PTPRD: variants seen among roughly 807,000 people sequenced by gnomAD.
The protein encoded by PTPRD is protein tyrosine phosphatase receptor type D.
A neutral mutation model predicts 214.5 loss-of-function variants in PTPRD; 34 were observed. That is an observed-to-expected ratio of 0.16 (90% confidence interval 0.12 to 0.21). PTPRD has a LOEUF of 0.21. Ranked by LOEUF, PTPRD falls within the 10% of genes least tolerant of loss-of-function variation. The probability of loss-of-function intolerance (pLI) is 1.00; values close to 1 mark genes in which losing one functional copy is unlikely to be tolerated. For synonymous variants in PTPRD, 1,128 were observed against 845.7 expected (o/e 1.33, Z -5.79); for missense variants, 2,545 against 2,398.7 (o/e 1.06, Z -1.27).
intron 9 of PTPRD, among the ~76,000 whole-genome samples, chr9:9,387,386 T>G (rs10125720): frequency 0.27 from 41,466 of 151,974 alleles, 5,877 homozygotes; most frequent in Middle Eastern, 0.38. Flanking sequence ...TTAATTAAGT[T>G]ATTTCTTTTG....
At chr9:10,555,095 G>T (rs892729556) in intron 2 of PTPRD, among the ~76,000 whole-genome samples, 7 of 152,148 alleles carry the variant, frequency 4.6e-5, no homozygotes, top group South Asian at 2.1e-4. Flanking sequence ...TAGAGTCTTT[G>T]TAAAAGATCA....
intron 6 of PTPRD, among the ~76,000 whole-genome samples, chr9:9,762,883 T>C (rs2098672050): frequency 6.6e-6 from 1 of 152,328 alleles, no homozygotes; most frequent in East Asian, 1.9e-4. Context: ...CTTAAACAAA[T>C]GAAATTTCTT....
intron 2 of PTPRD, among the ~76,000 whole-genome samples, chr9:10,464,728 A>C (rs1389150352): frequency 1.3e-5 from 2 of 152,098 alleles, no homozygotes; most frequent in Non-Finnish European, 2.9e-5. Flanking sequence ...GTAGAAAAAA[A>C]AACTCATCGT....
At chr9:10,298,713 T>C (rs1203065898) in intron 3 of PTPRD, among the ~76,000 whole-genome samples, 1 of 151,976 alleles carries the variant, frequency 6.6e-6, no homozygotes, top group African/African-American at 2.4e-5. Flanking sequence ...CAGGTATGTA[T>C]ATATTTAGCA....
At chr9:8,322,410 AATG>A (rs1214304396) in intron 44 of PTPRD, among the ~76,000 whole-genome samples, 5 of 152,220 alleles carry the variant, frequency 3.3e-5, no homozygotes, top group Non-Finnish European at 5.9e-5. Context: ...TGAACACATG[AATG>A]ATAAGGAAGT....
intron 4 of PTPRD, among the ~76,000 whole-genome samples, chr9:9,997,833 T>C (rs1440468844): frequency 1.7e-5 from 2 of 114,304 alleles, no homozygotes; most frequent in Admixed American, 8.9e-5. Context: ...TGTCACCACA[T>C]ATGCCAGGCA....
At chr9:9,841,215 T>C (rs1267040054) in intron 5 of PTPRD, among the ~76,000 whole-genome samples, 2 of 152,138 alleles carry the variant, frequency 1.3e-5, no homozygotes, top group East Asian at 3.8e-4. Context: ...GGTAGTGGGG[T>C]TAACAGAAAT....
intron 5 of PTPRD, among the ~76,000 whole-genome samples, chr9:9,858,118 A>G (rs539354898): frequency 9.2e-5 from 14 of 152,294 alleles, no homozygotes; most frequent in Admixed American, 3.9e-4. Context: ...CAATTGTTTT[A>G]GTGAATAGAG....
At chr9:10,288,970 A>T (rs1237594880) in intron 3 of PTPRD, among the ~76,000 whole-genome samples, 1 of 152,048 alleles carries the variant, frequency 6.6e-6, no homozygotes, top group Non-Finnish European at 1.5e-5. Context: ...GGAGTATAAG[A>T]TGTAGAATAA....
chr9:10,211,956 T>A (rs945983743), intron 3 of PTPRD, among the ~76,000 whole-genome samples: 2 of 152,252 alleles, frequency 1.3e-5, no homozygotes, highest in African/African-American at 4.8e-5. Context: ...TATACAACAT[T>A]TTTTAAAACA....
At chr9:9,676,099 G>A (rs901701433) in intron 7 of PTPRD, among the ~76,000 whole-genome samples, 4 of 151,920 alleles carry the variant, frequency 2.6e-5, no homozygotes, top group Non-Finnish European at 4.4e-5. Flanking sequence ...AGAATTTTGT[G>A]TAATCCAGTT....
intron 43 of PTPRD, among the ~76,000 whole-genome samples, chr9:8,334,250 C>A (rs1038111373): frequency 6.6e-6 from 1 of 152,088 alleles, no homozygotes; most frequent in Non-Finnish European, 1.5e-5. Flanking sequence ...CACCACATTG[C>A]ACTTATTCTA....
chr9:8,450,986 C>T (rs1023410612), intron 33 of PTPRD, among the ~76,000 whole-genome samples: 1 of 151,932 alleles, frequency 6.6e-6, no homozygotes, highest in African/African-American at 2.4e-5. Context: ...TTTCTCTGTT[C>T]GATGTGACTG....
intron 4 of PTPRD, among the ~76,000 whole-genome samples, chr9:9,978,814 C>T (rs75801569): frequency 1.3e-5 from 2 of 151,972 alleles, no homozygotes; most frequent in African/African-American, 4.8e-5. Flanking sequence ...TACAGGTACA[C>T]ACTGAGATAC....
chr9:10,055,776 T>A (rs1567362170), intron 3 of PTPRD, among the ~76,000 whole-genome samples: 1 of 151,824 alleles, frequency 6.6e-6, no homozygotes, highest in South Asian at 2.1e-4. Context: ...GAAATTGTGA[T>A]TCAGTTAAGT....
chr9:10,139,922 T>C (rs894911513), intron 3 of PTPRD, among the ~76,000 whole-genome samples: 3 of 152,028 alleles, frequency 2.0e-5, no homozygotes, highest in South Asian at 2.1e-4. Context: ...GAAAGAACTA[T>C]AAATACAAAA....
intron 11 of PTPRD, among the ~76,000 whole-genome samples, chr9:8,972,978 G>A (rs1475998798): frequency 6.7e-6 from 1 of 149,564 alleles, no homozygotes; most frequent in Admixed American, 6.7e-5. Flanking sequence ...TCATTTGCAG[G>A]CATATTACTC....
chr9:9,492,730 T>C (rs1047801402), intron 8 of PTPRD, among the ~76,000 whole-genome samples: 3 of 151,898 alleles, frequency 2.0e-5, no homozygotes, highest in African/African-American at 7.3e-5. Context: ...ATTTTTTTTT[T>C]TCCAGATTGG....
chr9:9,305,986 AG>A (rs1957004443), intron 9 of PTPRD, among the ~76,000 whole-genome samples: 1 of 152,244 alleles, frequency 6.6e-6, no homozygotes, highest in South Asian at 2.1e-4. Flanking sequence ...TGTTGTTTTA[AG>A]CCATCCAGTT....
Sources: gnomAD v4.1 joint callset for allele counts (sites outside exome capture counted in the v4.1 genomes callset) on GRCh38, gnomAD v4.1.1 for gene constraint, MANE v1.5 for transcripts, NCBI Gene and HGNC (gene_info 2026-07-23, HGNC 2026-07-21) for gene names.